Variants in FAM153A observed in about 807,000 individuals in gnomAD.
FAM153A encodes family with sequence similarity 153 member A.
A neutral mutation model predicts 48.1 loss-of-function variants in FAM153A; 12 were observed. The observed-to-expected ratio is 0.25, with a 90% CI of 0.16 to 0.40. The LOEUF (loss-of-function observed/expected upper bound fraction) is 0.40. FAM153A is among the 10% of genes least tolerant of loss of function. The pLI is 1.00. For missense variants in FAM153A, 111 were observed against 345.8 expected (o/e 0.32, Z 5.38); for synonymous variants, 36 against 118.2 (o/e 0.30, Z 4.51).
At chr5:177,696,535 T>C in the FAM153A span, among the ~76,000 whole-genome samples, 2 of 151,736 alleles carry the variant, frequency 1.3e-5, no homozygotes, top group Admixed American at 1.3e-4. Flanking sequence ...TTGAAAATAA[T>C]ATTCTTTCCA....
chr5:177,738,265 A>G (rs1765003295), intron 10 of FAM153A, among the ~76,000 whole-genome samples: 1 of 151,412 alleles, frequency 6.6e-6, no homozygotes, highest in Non-Finnish European at 1.5e-5. Context: ...ATGCCGTTAA[A>G]TACAATATAA....
chr5:177,729,477 G>T lies in FAM153A; in HGVS notation c.933+8C>A, dbSNP rs1328955112. The T allele has an allele frequency of 3.1e-6, 5 of 1,605,256 alleles. No individual in the cohort carries two copies. Among genetic ancestry groups the T allele is most frequent in the Non-Finnish European group, 4.2e-6 (5 of 1,178,320 alleles). The stretch of plus-strand genomic sequence containing the variant: ...ATTTCCTTTTCAGAGGAAAGAAGAC[G>T]ACTTTACCATGTGAACCCCTGTGGC... On this transcript the variant is annotated splice_region_variant and intron_variant, in intron 17 of 20. Transcript: ENST00000614127.
At chr5:177,718,600 C>T (rs1372580675), downstream of FAM153A, 10 of 134,544 alleles carry the variant, frequency 7.4e-5, 1 homozygote, top group Admixed American at 2.9e-4. Flanking sequence ...TCATCAATAT[C>T]ATCCTTTAAT....
chr5:177,697,928 T>TA, the FAM153A span, among the ~76,000 whole-genome samples: 1 of 137,624 alleles, frequency 7.3e-6, no homozygotes, highest in Non-Finnish European at 1.6e-5. Flanking sequence ...TCTAAGTTGA[T>TA]ACCAGCCTGT....
chr5:177,736,524 C>T, intron 12 of FAM153A, 55 bp downstream of exon 14: 2 of 1,470,704 alleles, frequency 1.4e-6, no homozygotes, highest in Non-Finnish European at 1.8e-6. Flanking sequence ...ACAGTGCCAT[C>T]TTTGCAACTC....
the FAM153A span, among the ~76,000 whole-genome samples, chr5:177,702,356 T>G: frequency 6.6e-6 from 1 of 151,790 alleles, no homozygotes; most frequent in Non-Finnish European, 1.5e-5. Flanking sequence ...GCATTCAAGA[T>G]GTGACCCAGT....
intron 1 of FAM153A, among the ~76,000 whole-genome samples, chr5:177,758,766 T>C (rs1385757018): frequency 6.8e-6 from 1 of 148,010 alleles, no homozygotes; most frequent in Non-Finnish European, 1.5e-5. Flanking sequence ...GAAAACTGGC[T>C]AGCCATATGT....
At chr5:177,728,533 G>T (rs1364618984) in intron 18 of FAM153A, among the ~76,000 whole-genome samples, 1 of 144,512 alleles carries the variant, frequency 6.9e-6, no homozygotes, top group African/African-American at 2.6e-5. Context: ...TAGAGTACTG[G>T]ACTCTTAGTT....
At chr5:177,709,019 C>T (rs1188168822), downstream of FAM153A, among the ~76,000 whole-genome samples, 8 of 135,446 alleles carry the variant, frequency 5.9e-5, no homozygotes, top group East Asian at 7.2e-4. Flanking sequence ...CACTTGAACC[C>T]GGGGGGCAGA....
the FAM153A span, among the ~76,000 whole-genome samples, chr5:177,700,405 GAT>G: frequency 6.6e-6 from 1 of 151,956 alleles, no homozygotes; most frequent in African/African-American, 2.4e-5. Context: ...TATGTTTGCA[GAT>G]GACATGATCC....
In FAM153A at chr5:177,771,702, C is replaced by T. The variant is rs554604009; in HGVS notation, c.-57+8747G>A. Reference sequence around the variant, plus strand: ...GTCTAAAGTGTTTATAGAAACAATGCGGTTACTTCTGAGCAGCTGCTTTCC... The same window carrying T: ...GTCTAAAGTGTTTATAGAAACAATGTGGTTACTTCTGAGCAGCTGCTTTCC... On this transcript the variant is annotated intron_variant, in intron 1 of 8. Coordinates refer to the FAM153A transcript ENST00000393518. 3.4e-4 allele frequency among the ~76,000 whole-genome samples: 33 copies of T among 96,834 alleles called. 11 individuals are homozygous for T. In the South Asian group the frequency reaches 0.012, roughly 35 times the overall value. The allele number at this position is 96,834 out of a possible 152,430, so 63.5% of individuals were successfully genotyped here.
intron 2 of FAM153A, among the ~76,000 whole-genome samples, chr5:177,749,768 C>G (rs1438074198): frequency 1.4e-5 from 2 of 139,954 alleles, no homozygotes; most frequent in African/African-American, 2.6e-5. Flanking sequence ...GAGTAGGCCT[C>G]TATCATTATA....
intron 1 of FAM153A, among the ~76,000 whole-genome samples, chr5:177,761,489 C>A (rs1322965301): frequency 6.6e-5 from 10 of 151,852 alleles, no homozygotes; most frequent in African/African-American, 9.7e-5. Flanking sequence ...GCATCACCAG[C>A]TTTGACCCTG....
At chr5:177,745,847 ACT>A (rs1341990058) in intron 4 of FAM153A, among the ~76,000 whole-genome samples, 1 of 151,684 alleles carries the variant, frequency 6.6e-6, no homozygotes, top group African/African-American at 2.4e-5. Context: ...AAGCCTGAGG[ACT>A]CTGTGTGTTT....
downstream of FAM153A, among the ~76,000 whole-genome samples, chr5:177,705,007 A>C (rs1334230387): frequency 1.3e-5 from 2 of 151,154 alleles, no homozygotes; most frequent in African/African-American, 4.9e-5. Flanking sequence ...TCTCAAAAAA[A>C]AAAAAAATTA....
downstream of FAM153A, among the ~76,000 whole-genome samples, chr5:177,705,948 G>T (rs942902383): frequency 6.6e-6 from 1 of 151,502 alleles, no homozygotes; most frequent in African/African-American, 2.4e-5. Context: ...GTGAGCCACC[G>T]CGCCCAGCCT....
intron 18 of FAM153A, among the ~76,000 whole-genome samples, chr5:177,728,350 G>A (rs1162954101): frequency 6.7e-6 from 1 of 149,254 alleles, no homozygotes; most frequent in Non-Finnish European, 1.5e-5. Context: ...CTTGGACATT[G>A]ATCCTCGTGT....
the FAM153A span, among the ~76,000 whole-genome samples, chr5:177,702,231 A>G: frequency 6.6e-6 from 1 of 151,780 alleles, no homozygotes. Flanking sequence ...GTTATACCTT[A>G]GCAAAGAACC....
chr5:177,711,591 T>C (rs888485246), exon 27 of FAM153A: 1 of 151,916 alleles, frequency 6.6e-6, no homozygotes, highest in African/African-American at 2.4e-5. Flanking sequence ...TGAGTTCTTA[T>C]ATATGTAACA....
Sources: gnomAD v4.1 joint callset for allele counts (sites outside exome capture counted in the v4.1 genomes callset) on GRCh38, gnomAD v4.1.1 for gene constraint, MANE v1.5 for transcripts, NCBI Gene and HGNC (gene_info 2026-07-23, HGNC 2026-07-21) for gene names.